Variants in RPS6KA3 observed in about 807,000 individuals in gnomAD.
RPS6KA3 encodes ribosomal protein S6 kinase A3.
A neutral mutation model predicts 67.2 loss-of-function variants in RPS6KA3; 4 were observed. That is an observed-to-expected ratio of 0.06 (90% confidence interval 0.03 to 0.14). The LOEUF is 0.14. Among genes scored for constraint, RPS6KA3 ranks in the 10% least tolerant of loss-of-function variants. RPS6KA3 has a pLI of 1.00. For missense variants in RPS6KA3, 204 were observed against 559.0 expected (o/e 0.36, Z 6.40); for synonymous variants, 182 against 183.7 (o/e 0.99, Z 0.07).
chrX:20,225,243 GTT>G (rs374712907), intron 2 of RPS6KA3, among the ~76,000 whole-genome samples: 927 of 79,912 alleles, frequency 0.012, 9 homozygotes, highest in African/African-American at 0.038. Flanking sequence ...TTTTTTTTTT[GTT>G]TTTTTTTTTG....
At position 20,204,108 on chromosome X, in the gene RPS6KA3, A is replaced by G. The variant is rs192189478; in HGVS notation, c.244-5T>C. The G allele has an allele frequency of 1.7e-4, 197 of 1,143,712 alleles. 4 individuals carry two copies. The Admixed American group carries it at 4.2e-3, about 25-fold the overall frequency. The allele number at this position is 1,143,712 out of a possible 1,213,427, so 94.3% of individuals were successfully genotyped here. ...GATTTTTTTAACTAAGAAAACCTGC[A>G]TTTAAGTAAGAGAAAATAAATATTA... On this transcript the variant is annotated splice_region_variant and splice_polypyrimidine_tract_variant and intron_variant, in intron 3 of 21. Transcript: ENST00000379565.
chrX:20,169,307 A>C, intron 16 of RPS6KA3, 95 bp downstream of exon 16: 1 of 624,643 alleles, frequency 1.6e-6, no homozygotes. Flanking sequence ...GCCTATGATG[A>C]GTTCTTTGTC....
rs1355493143 is a variant in RPS6KA3, at chrX:20,152,037, A to C, written c.*3361T>G. The C allele has an allele frequency of 3.6e-5, 4 of 112,257 alleles. No individual in the cohort carries two copies. The East Asian group carries it at 1.1e-3, about 31-fold the overall frequency. 9.3% of individuals were successfully genotyped at this position (112,257 alleles called of 1,213,427 possible). On this transcript the variant is annotated 3_prime_UTR_variant, in exon 22 of 22. Transcript: ENST00000379565. The stretch of plus-strand genomic sequence containing the variant: ...AAAGAGATGGGAAATGGTTGACCCA[A>C]ACCCGCTTTTTGGAGTACACTGCAT...
rs112159266 is a variant in RPS6KA3 at position 20,195,489 on chromosome X, C to T, written c.326-344G>A. Among the ~76,000 whole-genome samples, 3,099 of 111,755 alleles carry T rather than the reference C, an allele frequency of 0.028. 105 individuals carry two copies. The highest frequency in any genetic ancestry group is 0.09 in the African/African-American group (2,769 of 30,742). On this transcript the variant is annotated intron_variant, in intron 4 of 21. Coordinates refer to ENST00000379565, the MANE Select transcript of RPS6KA3 (RefSeq NM_004586.3). The stretch of plus-strand genomic sequence containing the variant: ...TAAAAAACAAGGCATCCTAATGAAA[C>T]AGTAAAACATAAAAAATGAATAGGT...
rs1603424641 is a variant in RPS6KA3, at chrX:20,185,685, T to G, written c.845+611A>C. 6.2e-5 allele frequency among the ~76,000 whole-genome samples: 7 copies of G among 112,005 alleles called. 2 individuals are homozygous for G. In the Admixed American group the frequency reaches 6.7e-4, roughly 11 times the overall value. On this transcript the variant is annotated intron_variant, in intron 10 of 21. Transcript: ENST00000379565. ...TTCTTTTTAAACCTTATACTTTACT[T>G]TTTTGCTTGACTTACCATATTGGCT...
At chrX:20,218,532 G>C (rs1053092225) in intron 2 of RPS6KA3, among the ~76,000 whole-genome samples, 3 of 110,720 alleles carry the variant, frequency 2.7e-5, no homozygotes, top group African/African-American at 3.3e-5. Flanking sequence ...ACACTAGCAA[G>C]ATAAAAATTA....
At chrX:20,155,955 T>C (rs1280104665) in intron 21 of RPS6KA3, among the ~76,000 whole-genome samples, 154 bp downstream of exon 21, 1 of 112,289 alleles carries the variant, frequency 8.9e-6, no homozygotes, top group Non-Finnish European at 1.9e-5. Flanking sequence ...TATATTGATA[T>C]GCCTTGAGCT....
intron 2 of RPS6KA3, among the ~76,000 whole-genome samples, chrX:20,215,048 C>T (rs1010200177): frequency 9.1e-5 from 10 of 110,367 alleles, no homozygotes; most frequent in Admixed American, 2.9e-4. Context: ...ACATGTTGCC[C>T]GCCTGCCTTG....
Position 20,234,919 on chromosome X carries a change from C to T in RPS6KA3, c.70-105G>A, listed in dbSNP as rs1167903470. On this transcript the variant is annotated intron_variant, in intron 1 of 21. Coordinates refer to ENST00000379565, the MANE Select transcript of RPS6KA3 (RefSeq NM_004586.3). ...AAAAAAATTGAGGAAGATTTTCACC[C>T]CTAAAGGGCTCTAATGAAGTAGAAC... The T allele has an allele frequency of 5.6e-5, 33 of 585,330 alleles. No individual in the cohort carries two copies. In the East Asian group the frequency reaches 1.1e-3, roughly 20 times the overall value. 48.2% of individuals were successfully genotyped at this position (585,330 alleles called of 1,213,427 possible). A position where few individuals can be genotyped will look rare whatever the true frequency, so the allele number is the denominator to read the frequency against.
At chrX:20,208,561 A>C (rs1177235441) in intron 3 of RPS6KA3, among the ~76,000 whole-genome samples, 5 of 110,593 alleles carry the variant, frequency 4.5e-5, no homozygotes, top group Non-Finnish European at 9.5e-5. Flanking sequence ...TACAAAAAAA[A>C]CACAAAAATT....
intron 20 of RPS6KA3, among the ~76,000 whole-genome samples, chrX:20,157,172 A>G (rs1227980064): frequency 8.9e-6 from 1 of 112,029 alleles, no homozygotes; most frequent in Admixed American, 9.5e-5. Context: ...ACACTCTTCA[A>G]AATAACACCA....
chrX:20,200,820 C>G (rs144971155), intron 4 of RPS6KA3, among the ~76,000 whole-genome samples: 1 of 110,613 alleles, frequency 9.0e-6, no homozygotes, highest in African/African-American at 3.3e-5. Flanking sequence ...TCAGCTGGGA[C>G]GACAGGCACA....
At chrX:20,201,436 G>C (rs371706365) in intron 4 of RPS6KA3, among the ~76,000 whole-genome samples, 2 of 111,629 alleles carry the variant, frequency 1.8e-5, no homozygotes, top group African/African-American at 6.5e-5. Flanking sequence ...ACTGTGCCCA[G>C]CAAACTTTAT....
At chrX:20,183,753 A>G (rs1203617144) in intron 10 of RPS6KA3, among the ~76,000 whole-genome samples, 1 of 112,316 alleles carries the variant, frequency 8.9e-6, no homozygotes, top group East Asian at 2.8e-4. Flanking sequence ...TTATCATATT[A>G]GAATCAGTTT....
chrX:20,172,577 C>G lies in RPS6KA3; in HGVS notation c.1353+169G>C, dbSNP rs183997336. Among the ~76,000 whole-genome samples the G allele has an allele frequency of 1.1e-4, 12 of 111,696 alleles. No individual in the cohort carries two copies. The Admixed American group carries it at 1.1e-3, about 11-fold the overall frequency. ...AAAACTAGATATATAACCACCTTAC[C>G]TTTAGCTCACAGGGTTCTAGATTAA... is the stretch of plus-strand genomic sequence containing the variant. On this transcript the variant is annotated intron_variant, in intron 15 of 21. Coordinates refer to ENST00000379565, the MANE Select transcript of RPS6KA3 (RefSeq NM_004586.3).
Position 20,155,199 on chromosome X carries a change from G to T in RPS6KA3, c.*199C>A. 2.1e-6 allele frequency: 1 copy of T among 480,152 alleles called. No homozygotes were observed. The highest frequency in any genetic ancestry group is 3.7e-6 in the Non-Finnish European group (1 of 273,327). 39.6% of individuals were successfully genotyped at this position (480,152 alleles called of 1,213,427 possible). A position where few individuals can be genotyped will look rare whatever the true frequency, so the allele number is the denominator to read the frequency against. ...TGTTTCCATTTTCATTTCTTCCGAAGCTCCAGGAAAATCTAACTTGCTAAC... is the reference window on the plus strand; with the variant it reads ...TGTTTCCATTTTCATTTCTTCCGAATCTCCAGGAAAATCTAACTTGCTAAC... On this transcript the variant is annotated 3_prime_UTR_variant, in exon 22 of 22. Coordinates refer to ENST00000379565, the MANE Select transcript of RPS6KA3 (RefSeq NM_004586.3).
At chrX:20,215,971 T>C (rs1013642193) in intron 2 of RPS6KA3, among the ~76,000 whole-genome samples, 6 of 100,905 alleles carry the variant, frequency 5.9e-5, no homozygotes, top group Non-Finnish European at 7.9e-5. Flanking sequence ...AAAGCAGCTA[T>C]ATTAATAGTT....
At chrX:20,159,084 A>G (rs2067250174) in intron 20 of RPS6KA3, among the ~76,000 whole-genome samples, 1 of 112,269 alleles carries the variant, frequency 8.9e-6, no homozygotes, top group African/African-American at 3.2e-5. Context: ...AGAAATGGGG[A>G]CTACATACAT....
chrX:20,178,184 C>G (rs1399628651), intron 10 of RPS6KA3, among the ~76,000 whole-genome samples: 3 of 111,615 alleles, frequency 2.7e-5, no homozygotes, highest in African/African-American at 9.8e-5. Context: ...CATTAAGAGA[C>G]AAATGCAGAA....
Sources: allele counts gnomAD v4.1 joint callset (sites outside exome capture counted in the v4.1 genomes callset), GRCh38; gene constraint gnomAD v4.1.1; transcripts MANE v1.5; gene names NCBI Gene and HGNC (gene_info 2026-07-23, HGNC 2026-07-21).